Variants in BOC observed in about 807,000 individuals in gnomAD.
BOC encodes brother of CDO.
A neutral mutation model predicts 112.0 loss-of-function variants in BOC; 76 were observed. The observed-to-expected ratio is 0.68, with a 90% confidence interval of 0.56 to 0.82. The LOEUF is 0.82. BOC is among the 40% of genes least tolerant of loss of function. The pLI is 0.00. For synonymous variants in BOC, 580 were observed against 599.8 expected, an observed-to-expected ratio of 0.97 and a Z score of 0.48; for missense variants, 1,309 against 1,511.7, an observed-to-expected ratio of 0.87 and a Z score of 2.22.
At chr3:113,273,642 C>G (rs2107669732) in intron 8 of BOC, among the ~76,000 whole-genome samples, 1 of 152,310 alleles carries the variant, frequency 6.6e-6, no homozygotes, top group Admixed American at 6.5e-5. Context: ...CAGTTGGGGC[C>G]TATGCCAGCT....
chr3:113,254,937 G>A (rs182550860), intron 4 of BOC, among the ~76,000 whole-genome samples: 8 of 152,084 alleles, frequency 5.3e-5, no homozygotes, highest in East Asian at 1.9e-4. Context: ...TTTGATTTTC[G>A]GTAAAATGGA....
chr3:113,217,080 T>C (rs1939542205), intron 2 of BOC, among the ~76,000 whole-genome samples: 1 of 152,222 alleles, frequency 6.6e-6, no homozygotes, highest in Non-Finnish European at 1.5e-5. Context: ...ATGCTTGCTG[T>C]GTGCCTGGCA....
At position 113,223,502 on chromosome 3, in the gene BOC, A is replaced by G. The variant is rs1171156312; in HGVS notation, c.-82+7228A>G. ...TTAGGGTTCACTCTTTGTGTTGTAC[A>G]TTTACTGGGTTTGACAAAATGTGTG... On this transcript the variant is annotated intron_variant, in intron 2 of 19. Coordinates refer to ENST00000682979, the MANE Select transcript of BOC (RefSeq NM_001378074.1). Among the ~76,000 whole-genome samples, 5 of 152,156 alleles carry G rather than the reference A, an allele frequency of 3.3e-5. No individual in the cohort carries two copies. The East Asian group carries it at 9.6e-4, about 29-fold the overall frequency.
intron 4 of BOC, among the ~76,000 whole-genome samples, chr3:113,260,620 C>T (rs1035014878): frequency 1.3e-5 from 2 of 148,828 alleles, no homozygotes; most frequent in African/African-American, 5.0e-5. Flanking sequence ...ATCTGAACAC[C>T]ACCTCCTGTC....
At chr3:113,281,281 C>A in intron 15 of BOC, 128 bp downstream of exon 15, 1 of 1,140,146 alleles carries the variant, frequency 8.8e-7, no homozygotes, top group Non-Finnish European at 1.2e-6. Flanking sequence ...CAAATACCCT[C>A]AGACTTGGTC....
intron 4 of BOC, among the ~76,000 whole-genome samples, chr3:113,264,683 G>C (rs1242662904): frequency 6.6e-6 from 1 of 152,080 alleles, no homozygotes; most frequent in East Asian, 1.9e-4. Context: ...AAAAACACTA[G>C]AGAAAGGGGT....
Position 113,279,417 on chromosome 3 carries a change from C to A in BOC, c.1985C>A (p.Pro662Gln). Reference protein sequence around the residue: ...DWILATSAIPPSRLSVEITGL... With the variant: ...DWILATSAIPQSRLSVEITGL... The stretch of plus-strand genomic sequence containing the variant: ...ATTCTGGCCACCAGCGCCATCCCCC[C>A]ATCGCGGCTGTCCGTGGAGATCACG... Residue 662 changes from proline (P) to glutamine (Q), a missense_variant, in exon 12 of 20, where the codon CCA becomes CAA. Transcript: ENST00000682979. 6.2e-7 allele frequency: 1 copy of A among 1,614,202 alleles called. No homozygotes were observed. Among genetic ancestry groups the A allele is most frequent in the Non-Finnish European group, 8.5e-7 (1 of 1,180,020 alleles).
At position 113,272,652 on chromosome 3, in the gene BOC, G is replaced by A; in HGVS notation, c.910G>A (p.Gly304Arg). The A allele has an allele frequency of 1.9e-6, 3 of 1,613,998 alleles. No homozygotes were observed. The highest frequency in any genetic ancestry group is 2.5e-6 in the Non-Finnish European group (3 of 1,180,000). Reference sequence around the variant, plus strand: ...CACCTACCGCTGCATGGCCGACAATGGGGTTGGGCAGCCCGGGGCAGCGGT... The same window carrying A: ...CACCTACCGCTGCATGGCCGACAATAGGGTTGGGCAGCCCGGGGCAGCGGT... The part of the protein sequence containing the change: ...SGTYRCMADN[G>R]VGQPGAAVIL... Residue 304 changes from glycine (G) to arginine (R), a missense_variant, in exon 7 of 20, where the codon GGG (glycine) becomes AGG (arginine). Gly to Arg is a moderately radical substitution (Grantham distance 125, BLOSUM62 -2). Transcript: ENST00000682979.
intron 4 of BOC, among the ~76,000 whole-genome samples, chr3:113,254,665 A>T (rs976640701): frequency 1.9e-4 from 29 of 152,324 alleles, no homozygotes; most frequent in African/African-American, 7.0e-4. Context: ...TCAGCATGGT[A>T]GGCTTCCTTT....
Position 113,272,506 on chromosome 3 carries a change from G to C in BOC, c.764G>C (p.Ser255Thr). 4 of 1,614,122 alleles carry C rather than the reference G, an allele frequency of 2.5e-6. No individual in the cohort carries two copies. The highest frequency in any genetic ancestry group is 3.4e-6 in the Non-Finnish European group (4 of 1,180,018). The change falls in exon 7 of 20, where the codon AGT becomes ACT. Residue 255 changes from serine to threonine, a missense_variant. By Grantham distance (58) the Ser-to-Thr change is moderately conservative. Transcript: ENST00000682979. ...GQSLILECVA[S>T]GIPPPRVTWA... Reference sequence around the variant, plus strand: ...AGTCTCATTCTGGAGTGTGTGGCCAGTGGAATCCCACCCCCACGGGTCACC... The same window carrying C: ...AGTCTCATTCTGGAGTGTGTGGCCACTGGAATCCCACCCCCACGGGTCACC...
In BOC at chr3:113,251,025, C is replaced by G. The variant is rs941395717; in HGVS notation, c.376+192C>G. The G allele has an allele frequency of 2.4e-5, 17 of 696,338 alleles. No homozygotes were observed. In the Admixed American group the frequency reaches 4.7e-4, roughly 19 times the overall value. The allele number at this position is 696,338 out of a possible 1,614,324, so 43.1% of individuals were successfully genotyped here. ...GGGGACCCTTGTGCCCTTGGAAAAC[C>G]TCACTCCAAGTAGAGGCTGTATCTG... is the stretch of plus-strand genomic sequence containing the variant. On this transcript the variant is annotated intron_variant, in intron 4 of 19. Coordinates refer to ENST00000682979, the MANE Select transcript of BOC (RefSeq NM_001378074.1).
Position 113,286,901 on chromosome 3 carries a change from T to TG in BOC, c.*39_*40insG. 1 of 1,489,622 alleles carries TG rather than the reference T, an allele frequency of 6.7e-7. No homozygotes were observed. Among genetic ancestry groups the TG allele is most frequent in the East Asian group, 2.4e-5 (1 of 41,196 alleles). 92.3% of individuals were successfully genotyped at this position (1,489,622 alleles called of 1,614,324 possible). A position where few individuals can be genotyped will look rare whatever the true frequency, so the allele number is the denominator to read the frequency against. ...TCCCAGAAAGACTATATATTGTTTT[T>TG]TTTTTAAAAAAAAAAAGAAGAAAAA... On this transcript the variant is annotated 3_prime_UTR_variant, in exon 20 of 20. Transcript: ENST00000682979.
intron 2 of BOC, among the ~76,000 whole-genome samples, chr3:113,233,130 G>A (rs1472501478): frequency 6.7e-6 from 1 of 148,354 alleles, no homozygotes; most frequent in Non-Finnish European, 1.5e-5. Flanking sequence ...AAGCATGCAT[G>A]AGCATGTAAA....
chr3:113,265,044 A>G (rs959850337), intron 4 of BOC, among the ~76,000 whole-genome samples: 3 of 152,152 alleles, frequency 2.0e-5, no homozygotes, highest in Admixed American at 2.0e-4. Context: ...ATGCTCCCCC[A>G]CTGCACAGCC....
intron 2 of BOC, among the ~76,000 whole-genome samples, chr3:113,235,683 A>C (rs1442566915): frequency 6.6e-6 from 1 of 152,230 alleles, no homozygotes; most frequent in African/African-American, 2.4e-5. Flanking sequence ...TAGGAACTAC[A>C]TCTTGCCACA....
At chr3:113,268,943 G>C (rs1947815037) in intron 5 of BOC, among the ~76,000 whole-genome samples, 1 of 152,190 alleles carries the variant, frequency 6.6e-6, no homozygotes, top group Non-Finnish European at 1.5e-5. Context: ...AAAGCAGGTG[G>C]CTTCCATTAT....
At chr3:113,241,172 A>T (rs1248313529) in intron 2 of BOC, among the ~76,000 whole-genome samples, 1 of 152,132 alleles carries the variant, frequency 6.6e-6, no homozygotes, top group African/African-American at 2.4e-5. Flanking sequence ...GGCCTTAATG[A>T]CCTTGTATTG....
intron 2 of BOC, among the ~76,000 whole-genome samples, chr3:113,232,983 G>A: frequency 6.6e-6 from 1 of 152,200 alleles, no homozygotes; most frequent in East Asian, 1.9e-4. Context: ...TAGGAGGAAT[G>A]TTGTCCATGT....
chr3:113,264,835 G>T (rs1448887136), intron 4 of BOC, among the ~76,000 whole-genome samples: 1 of 152,174 alleles, frequency 6.6e-6, no homozygotes. Flanking sequence ...GGGGATAGAG[G>T]GTAGGAGGGA....
Sources: allele counts gnomAD v4.1 joint callset (sites outside exome capture counted in the v4.1 genomes callset), GRCh38; gene constraint gnomAD v4.1.1; transcripts MANE v1.5; gene names NCBI Gene and HGNC (gene_info 2026-07-23, HGNC 2026-07-21).